Variants in ZNF600 observed in about 807,000 individuals in gnomAD.
ZNF600 encodes zinc finger protein KR-ZNF1.
ZNF600 carries 4 observed loss-of-function variants against 7.3 expected under a neutral mutation model. That is an observed-to-expected ratio of 0.55 (90% confidence interval 0.27 to 1.25). The LOEUF (loss-of-function observed/expected upper bound fraction) is 1.25. Among genes scored for constraint, ZNF600 ranks in the 50% most tolerant of loss-of-function variants. The probability of loss-of-function intolerance (pLI) is 0.12; values close to 1 mark genes in which losing one functional copy is unlikely to be tolerated. For synonymous variants in ZNF600, 290 were observed against 308.9 expected, an observed-to-expected ratio of 0.94 and a Z score of 0.64; for missense variants, 911 against 922.1, an observed-to-expected ratio of 0.99 and a Z score of 0.16.
intron 3 of ZNF600, among the ~76,000 whole-genome samples, chr19:52,773,687 G>A (rs772615379): frequency 1.3e-5 from 2 of 151,900 alleles, no homozygotes; most frequent in Non-Finnish European, 1.5e-5. Context: ...AGGCCAGCAT[G>A]GTGAAACACT....
At position 52,779,463 on chromosome 19, in the gene ZNF600, G is replaced by A. The variant is rs1167060121; in HGVS notation, c.-19-556C>T. 5.9e-5 allele frequency among the ~76,000 whole-genome samples: 9 copies of A among 152,200 alleles called. No homozygotes were observed. The South Asian group carries it at 8.3e-4, about 14-fold the overall frequency. ...GGGGGCGAGCCCAGCACAGCCCCAC[G>A]TTCTGGCTCTGCCCTCCCCTTGGGG... On this transcript the variant is annotated intron_variant, in intron 1 of 3. Transcript: ENST00000648973.
the ZNF600 span, among the ~76,000 whole-genome samples, chr19:52,796,115 C>T: frequency 6.6e-6 from 1 of 152,150 alleles, no homozygotes; most frequent in African/African-American, 2.4e-5. Flanking sequence ...GTTGAAGCTG[C>T]AGTGAGCTCT....
chr19:52,810,629 A>AC, the ZNF600 span: 1 of 1,419,496 alleles, frequency 7.0e-7, no homozygotes. Context: ...TCTCCATTCT[A>AC]CAGTGGTTTT....
At chr19:52,794,917 C>T in the ZNF600 span, among the ~76,000 whole-genome samples, 2 of 152,118 alleles carry the variant, frequency 1.3e-5, no homozygotes, top group Non-Finnish European at 2.9e-5. Flanking sequence ...ATGTCTCTTT[C>T]AATGTCTAAG....
the ZNF600 span, chr19:52,800,583 G>A: frequency 6.2e-7 from 1 of 1,607,840 alleles, no homozygotes; most frequent in Non-Finnish European, 8.5e-7. Context: ...TGAATTATAT[G>A]CAAAAGCCTT....
At chr19:52,822,230 C>T in the ZNF600 span, among the ~76,000 whole-genome samples, 1 of 151,746 alleles carries the variant, frequency 6.6e-6, no homozygotes, top group African/African-American at 2.4e-5. Flanking sequence ...ACCCACCATG[C>T]CCGGTTAATT....
the ZNF600 span, chr19:52,810,526 A>C: frequency 3.8e-6 from 6 of 1,596,984 alleles, no homozygotes; most frequent in Non-Finnish European, 5.1e-6. Context: ...AGGTGATCCC[A>C]AAGCGAACCA....
At chr19:52,798,705 G>C in the ZNF600 span, 1 of 456,012 alleles carries the variant, frequency 2.2e-6, no homozygotes, top group Non-Finnish European at 4.3e-6. Flanking sequence ...TCTCCAGCAT[G>C]AGTTCGATGA....
exon 4 of ZNF600, chr19:52,766,195 T>C: frequency 6.2e-7 from 1 of 1,614,060 alleles, no homozygotes; most frequent in Non-Finnish European, 8.5e-7. Flanking sequence ...TTCTCACCAC[T>C]ATGAACTCTG....
chr19:52,827,249 CAA>C, the ZNF600 span, among the ~76,000 whole-genome samples: 5 of 42,974 alleles, frequency 1.2e-4, no homozygotes, highest in Non-Finnish European at 1.3e-4. Context: ...TCTCTAAAAA[CAA>C]AAAAAAAAAA....
At chr19:52,810,077 G>A in the ZNF600 span, 18 of 757,848 alleles carry the variant, frequency 2.4e-5, no homozygotes, top group East Asian at 2.1e-4. Context: ...CAGGACCTGG[G>A]CCTCGTTCAG....
At chr19:52,810,661 G>A in the ZNF600 span, 155 of 1,051,556 alleles carry the variant, frequency 1.5e-4, no homozygotes, top group Admixed American at 2.4e-4. Context: ...CTGGGGTCGC[G>A]TCTACAGGGG....
At chr19:52,817,717 G>A in the ZNF600 span, among the ~76,000 whole-genome samples, 1 of 152,220 alleles carries the variant, frequency 6.6e-6, no homozygotes. Context: ...ATGTCTGGGT[G>A]TGAGACCTTC....
upstream of ZNF600, among the ~76,000 whole-genome samples, chr19:52,789,120 T>C (rs1173002828): frequency 6.6e-6 from 1 of 152,062 alleles, no homozygotes; most frequent in East Asian, 1.9e-4. Context: ...ACACAAAAGT[T>C]TTCATAGAAA....
upstream of ZNF600, chr19:52,786,813 G>T: frequency 3.0e-6 from 1 of 335,390 alleles, no homozygotes; most frequent in Non-Finnish European, 6.3e-6. Flanking sequence ...GGGGCAGGTT[G>T]GCTGGACCTG....
At chr19:52,778,724 G>T (rs1298761728) in intron 2 of ZNF600, 102 bp downstream of exon 4, 2 of 1,474,356 alleles carry the variant, frequency 1.4e-6, no homozygotes, top group Non-Finnish European at 1.8e-6. Context: ...GAGTGAACGT[G>T]TCAGGCAAAA....
chr19:52,809,788 G>A, the ZNF600 span: 5 of 505,478 alleles, frequency 9.9e-6, no homozygotes, highest in African/African-American at 8.3e-5. Context: ...CTGGGTGACA[G>A]AGCGAAAAAA....
chr19:52,826,921 C>G, the ZNF600 span, among the ~76,000 whole-genome samples: 1 of 152,040 alleles, frequency 6.6e-6, no homozygotes, highest in African/African-American at 2.4e-5. Flanking sequence ...TCCAGCCAGG[C>G]TGGCTGTCTC....
exon 4 of ZNF600, chr19:52,766,409 C>G (rs1366210558): frequency 1.2e-6 from 2 of 1,613,668 alleles, no homozygotes; most frequent in South Asian, 2.2e-5. Flanking sequence ...AACTGAAAAC[C>G]TTTTCACATT....
Sources: allele counts gnomAD v4.1 joint callset (sites outside exome capture counted in the v4.1 genomes callset), GRCh38; gene constraint gnomAD v4.1.1; transcripts MANE v1.5; gene names NCBI Gene and HGNC (gene_info 2026-07-23, HGNC 2026-07-21).